The following RELCH variants were observed in gnomAD, a reference collection of about 807,000 sequenced individuals.
The protein encoded by RELCH is RAB11-binding protein RELCH.
A neutral mutation model predicts 150.3 loss-of-function variants in RELCH; 41 were observed. The observed-to-expected ratio is 0.27, with a 90% CI of 0.21 to 0.35. The LOEUF (loss-of-function observed/expected upper bound fraction) is 0.35, where lower values mean the gene tolerates loss of function less well. Among genes scored for constraint, RELCH ranks in the 10% least tolerant of loss-of-function variants. RELCH has a pLI of 1.00. For missense variants in RELCH, 1,092 were observed against 1,467.8 expected (o/e 0.74, Z 4.18); for synonymous variants, 478 against 531.8 (o/e 0.90, Z 1.39).
chr18:62,272,189 A>G (rs1023546269), intron 20 of RELCH, among the ~76,000 whole-genome samples: 2 of 152,048 alleles, frequency 1.3e-5, no homozygotes, highest in African/African-American at 4.8e-5. Context: ...AATTGTCTCT[A>G]TTGTTCATAA....
intron 2 of RELCH, among the ~76,000 whole-genome samples, chr18:62,220,198 A>T (rs1476559914): frequency 6.6e-6 from 1 of 152,130 alleles, no homozygotes; most frequent in Admixed American, 6.6e-5. Context: ...TAGAAGAGTT[A>T]TCAGAAACTT....
intron 27 of RELCH, among the ~76,000 whole-genome samples, chr18:62,293,013 T>C (rs1291913430): frequency 6.6e-6 from 1 of 152,178 alleles, no homozygotes; most frequent in African/African-American, 2.4e-5. Context: ...CTGACACCTG[T>C]TCATCTTGAT....
rs1172003690 is a variant in RELCH, at chr18:62,252,883, G to C, written c.1824+129G>C. ...ATTATGCTGATGTTTCTGTAGCCCAGCACAGTGATTTATTAGTACTTACGA... is the reference window on the plus strand; with the variant it reads ...ATTATGCTGATGTTTCTGTAGCCCACCACAGTGATTTATTAGTACTTACGA... On this transcript the variant is annotated intron_variant, in intron 12 of 28. Coordinates refer to ENST00000644646, the MANE Select transcript of RELCH (RefSeq NM_001346231.2). The C allele has an allele frequency of 4.4e-6, 3 of 679,446 alleles. No individual in the cohort carries two copies. The African/African-American group carries it at 5.4e-5, about 12-fold the overall frequency. The allele number at this position is 679,446 out of a possible 1,614,324, so 42.1% of individuals were successfully genotyped here. A position where few individuals can be genotyped will look rare whatever the true frequency, so the allele number is the denominator to read the frequency against.
chr18:62,264,669 G>A, intron 17 of RELCH, 60 bp from the exon 18 acceptor site: 1 of 1,269,226 alleles, frequency 7.9e-7, no homozygotes, highest in Non-Finnish European at 1.1e-6. Context: ...TTCAGAAATT[G>A]GCAAGGAAAC....
rs1044870955 is a variant in RELCH, at chr18:62,187,625, G to T, written c.120G>T (p.Arg40=). The T allele has an allele frequency of 2.0e-6, 3 of 1,537,368 alleles. No individual in the cohort carries two copies. The African/African-American group carries it at 4.1e-5, about 21-fold the overall frequency. The change falls in exon 1 of 29, where the codon CGG becomes CGT. Residue 40 remains arginine, a synonymous_variant. Coordinates refer to ENST00000644646, the MANE Select transcript of RELCH (RefSeq NM_001346231.2). ...AATEERRAVL[R]LGAGSGLDPG... ...CAGAGGAACGGCGGGCAGTACTTCG[G>T]CTGGGCGCCGGAAGTGGCCTAGATC...
At chr18:62,252,524 AT>A (rs1032954261) in intron 11 of RELCH, 139 bp from the exon 12 acceptor site, 16 of 548,650 alleles carry the variant, frequency 2.9e-5, no homozygotes, top group South Asian at 7.6e-5. Flanking sequence ...CTCAAAAAAA[AT>A]AAATAAATAA....
intron 2 of RELCH, among the ~76,000 whole-genome samples, chr18:62,213,665 G>C (rs151316748): frequency 0.011 from 1,551 of 147,570 alleles, 6 homozygotes; most frequent in Non-Finnish European, 0.016. Flanking sequence ...AGGAGGTGGA[G>C]GTTGCAGTGA....
intron 11 of RELCH, among the ~76,000 whole-genome samples, chr18:62,249,762 A>G (rs1002542590): frequency 1.3e-4 from 19 of 151,648 alleles, no homozygotes; most frequent in African/African-American, 4.6e-4. Flanking sequence ...TTTTTTCTGT[A>G]AGGTGAAAGT....
chr18:62,273,119 G>A (rs1282492176), intron 20 of RELCH, among the ~76,000 whole-genome samples: 1 of 150,558 alleles, frequency 6.6e-6, no homozygotes, highest in Non-Finnish European at 1.5e-5. Flanking sequence ...TTGACCTTCT[G>A]TGTCCCTAAT....
intron 1 of RELCH, among the ~76,000 whole-genome samples, chr18:62,200,522 G>A (rs889488098): frequency 1.3e-5 from 2 of 151,260 alleles, no homozygotes; most frequent in African/African-American, 4.9e-5. Flanking sequence ...AAATATAAAT[G>A]TGAGTGCCGC....
chr18:62,231,219 G>A lies in RELCH; in HGVS notation c.1474G>A (p.Ala492Thr). The change falls in exon 9 of 29, where the codon GCA becomes ACA. Residue 492 changes from alanine to threonine, a missense_variant. Transcript: ENST00000644646. ...NRKLSPAFHQ[A>T]LLSFCRMSAD... is the part of the protein sequence containing the mutation. ...GAAATTGTCTCCTGCATTCCATCAAGCACTACTCTCTTTTTGTCGAATGTC... is the reference window on the plus strand; with the variant it reads ...GAAATTGTCTCCTGCATTCCATCAAACACTACTCTCTTTTTGTCGAATGTC... 1.2e-6 allele frequency: 2 copies of A among 1,606,974 alleles called. No individual in the cohort carries two copies. Among genetic ancestry groups the A allele is most frequent in the Non-Finnish European group, 1.7e-6 (2 of 1,174,830 alleles).
chr18:62,273,362 C>T (rs2044015043), intron 20 of RELCH, among the ~76,000 whole-genome samples: 1 of 151,996 alleles, frequency 6.6e-6, no homozygotes, highest in Non-Finnish European at 1.5e-5. Context: ...TAAAAGAACA[C>T]AGTAGTCTAT....
At chr18:62,223,910 C>T (rs763099708) in intron 5 of RELCH, among the ~76,000 whole-genome samples, 1 of 152,118 alleles carries the variant, frequency 6.6e-6, no homozygotes, top group Non-Finnish European at 1.5e-5. Context: ...AATAGAGAGT[C>T]ATTTCCCCAA....
chr18:62,196,408 T>G (rs1171620549), intron 1 of RELCH, among the ~76,000 whole-genome samples: 1 of 152,160 alleles, frequency 6.6e-6, no homozygotes, highest in Non-Finnish European at 1.5e-5. Context: ...TTTTGTATTT[T>G]TGGTAGAGAT....
intron 21 of RELCH, 77 bp from the exon 22 acceptor site, chr18:62,275,297 A>G: frequency 1.5e-6 from 1 of 652,630 alleles, no homozygotes; most frequent in Non-Finnish European, 2.6e-6. Flanking sequence ...TATTCCTTAT[A>G]AATATCGTGT....
At chr18:62,216,674 A>G (rs547547742) in intron 2 of RELCH, among the ~76,000 whole-genome samples, 1 of 152,088 alleles carries the variant, frequency 6.6e-6, no homozygotes, top group Non-Finnish European at 1.5e-5. Flanking sequence ...GTACAGACAT[A>G]TGAAGCCTTT....
rs763088508 is a variant in RELCH, at chr18:62,228,592, C to G, written c.1442C>G (p.Pro481Arg). 6.2e-7 allele frequency: 1 copy of G among 1,605,686 alleles called. No homozygotes were observed. Among genetic ancestry groups the G allele is most frequent in the Admixed American group, 1.7e-5 (1 of 59,302 alleles). The change falls in exon 8 of 29, where the codon CCT becomes CGT. Residue 481 changes from proline (P) to arginine (R), a missense_variant. Pro to Arg is a moderately radical substitution (Grantham distance 103). Transcript: ENST00000644646. ...AAAAAGACAGTTCATTTTGATAAACCTAATAGGTTAGTATGCATCCTATAT... is the reference window on the plus strand; with the variant it reads ...AAAAAGACAGTTCATTTTGATAAACGTAATAGGTTAGTATGCATCCTATAT... ...SSKKTVHFDKPNRKLSPAFHQ... is the reference protein window; with the variant it reads ...SSKKTVHFDKRNRKLSPAFHQ...
Position 62,255,407 on chromosome 18 carries a change from A to T in RELCH, c.1825A>T (p.Ile609Phe). The T allele has an allele frequency of 6.2e-7, 1 of 1,606,146 alleles. No homozygotes were observed. Among genetic ancestry groups the T allele is most frequent in the Non-Finnish European group, 8.5e-7 (1 of 1,174,418 alleles). ...AELLPQCWEQ[I>F]NHKYPERRLL... Reference sequence around the variant, plus strand: ...GATTTATTTATTTTTTTTGCTCTAGATTAATCACAAATACCCAGAAAGACG... The same window carrying T: ...GATTTATTTATTTTTTTTGCTCTAGTTTAATCACAAATACCCAGAAAGACG... The change falls in exon 13 of 29, where the codon ATT (isoleucine) becomes TTT (phenylalanine). Residue 609 changes from isoleucine to phenylalanine, a missense_variant and splice_region_variant. This residue lies in a region of RELCH where 707 missense variants were observed against 1,025.4 expected (regional missense o/e 0.69). Coordinates refer to ENST00000644646, the MANE Select transcript of RELCH (RefSeq NM_001346231.2).
intron 5 of RELCH, among the ~76,000 whole-genome samples, chr18:62,222,770 T>C (rs905543481): frequency 4.6e-5 from 7 of 152,030 alleles, no homozygotes. Flanking sequence ...AGTGAATACA[T>C]ACTCTTTAAA....
Sources: gnomAD v4.1 joint callset for allele counts (sites outside exome capture counted in the v4.1 genomes callset) on GRCh38, gnomAD v4.1.1 for gene constraint, gnomAD v4.1.1 regional missense constraint, MANE v1.5 for transcripts, NCBI Gene and HGNC (gene_info 2026-07-23, HGNC 2026-07-21) for gene names.